The following IFT57 variants were observed in gnomAD, a reference collection of about 807,000 sequenced individuals.
IFT57 encodes intraflagellar transport protein 57 homolog.
Under a neutral mutation model 56.8 loss-of-function variants are expected in IFT57, and 59 were observed. The ratio of observed to expected loss-of-function variants is 1.04; its 90% confidence interval spans 0.84 to 1.29. The LOEUF (loss-of-function observed/expected upper bound fraction) is 1.29. Among genes scored for constraint, IFT57 ranks in the 50% most tolerant of loss-of-function variants. The pLI is 0.00. For missense variants in IFT57, 470 were observed against 522.1 expected (o/e 0.90, Z 0.97); for synonymous variants, 209 against 186.1 (o/e 1.12, Z -1.00).
intron 8 of IFT57, among the ~76,000 whole-genome samples, chr3:108,166,290 T>TG (rs1001097301): frequency 6.6e-6 from 1 of 152,084 alleles, no homozygotes; most frequent in African/African-American, 2.4e-5. Context: ...AGATCCCTAC[T>TG]GCTGGGACAA....
chr3:108,215,492 G>C (rs1179938916), intron 3 of IFT57, among the ~76,000 whole-genome samples: 1 of 152,114 alleles, frequency 6.6e-6, no homozygotes, highest in Non-Finnish European at 1.5e-5. Context: ...GAGCCCGGCA[G>C]GCAGAGGTTC....
intron 1 of IFT57, 192 bp downstream of exon 1, chr3:108,221,919 A>G (rs1250408167): frequency 7.7e-6 from 9 of 1,166,442 alleles, no homozygotes; most frequent in Non-Finnish European, 1.1e-5. Context: ...TCTCTACAAA[A>G]ATACCAAGTC....
chr3:108,179,584 C>T (rs141432645), intron 6 of IFT57, among the ~76,000 whole-genome samples: 2 of 151,926 alleles, frequency 1.3e-5, no homozygotes, highest in African/African-American at 2.4e-5. Flanking sequence ...TTTTCTCATT[C>T]GCAGAGTTTC....
chr3:108,219,491 C>G lies in IFT57; in HGVS notation c.294G>C (p.Ala98=). ...CTLAAWLINK[A]GRPFEQPQEY... Reference sequence around the variant, plus strand: ...CTTGAGGCTGCTCAAAGGGACGTCCCGCTTTATTAATCAACCAAGCAGCAA... The same window carrying G: ...CTTGAGGCTGCTCAAAGGGACGTCCGGCTTTATTAATCAACCAAGCAGCAA... Residue 98 remains alanine (A), a synonymous_variant, in exon 2 of 11, where the codon GCG becomes GCC. Transcript: ENST00000264538. 1.2e-6 allele frequency: 2 copies of G among 1,613,512 alleles called. No homozygotes were observed. Among genetic ancestry groups the G allele is most frequent in the Non-Finnish European group, 1.7e-6 (2 of 1,179,550 alleles).
intron 6 of IFT57, among the ~76,000 whole-genome samples, chr3:108,168,274 A>C (rs1384516118): frequency 1.3e-5 from 2 of 151,952 alleles, no homozygotes; most frequent in African/African-American, 4.8e-5. Context: ...TTGGAAATGA[A>C]AATGGGGCCC....
At chr3:108,189,061 A>T (rs1252355033) in intron 6 of IFT57, among the ~76,000 whole-genome samples, 2 of 152,204 alleles carry the variant, frequency 1.3e-5, no homozygotes, top group Non-Finnish European at 2.9e-5. Context: ...TATGAAAAGA[A>T]TTTGTTCTGA....
chr3:108,174,585 T>C (rs928111561), intron 6 of IFT57, among the ~76,000 whole-genome samples: 3 of 151,742 alleles, frequency 2.0e-5, no homozygotes, highest in African/African-American at 7.3e-5. Flanking sequence ...AAGAGGTTTA[T>C]GAGATTTGCT....
intron 8 of IFT57, among the ~76,000 whole-genome samples, chr3:108,165,891 A>G (rs1397059551): frequency 6.6e-6 from 1 of 152,082 alleles, no homozygotes; most frequent in Admixed American, 6.6e-5. Context: ...TCAATGATGA[A>G]TAAGGATTAA....
intron 6 of IFT57, among the ~76,000 whole-genome samples, chr3:108,190,632 C>T (rs1458212630): frequency 6.6e-6 from 1 of 152,154 alleles, no homozygotes; most frequent in Non-Finnish European, 1.5e-5. Context: ...TAAAAATTAC[C>T]CAGTCTTGGG....
At chr3:108,210,364 C>T (rs181385647) in intron 4 of IFT57, among the ~76,000 whole-genome samples, 186 of 131,864 alleles carry the variant, frequency 1.4e-3, no homozygotes, top group Non-Finnish European at 2.4e-3. Flanking sequence ...GACAGAGTCT[C>T]ACTCTGTTGC....
rs746675079 is a variant in IFT57, at chr3:108,166,939, T to C, written c.896A>G (p.Lys299Arg). The change falls in exon 8 of 11, where the codon AAG becomes AGG. Residue 299 changes from lysine (K) to arginine (R), a missense_variant. Physicochemically the swap from Lys to Arg is conservative, Grantham distance 26. Coordinates refer to ENST00000264538, the MANE Select transcript of IFT57 (RefSeq NM_018010.4). ...GATGTACTTTTCTCGGCTGCTGATCTTTTCCAAAGTCCTAGTAATTTCATT... is the reference window on the plus strand; with the variant it reads ...GATGTACTTTTCTCGGCTGCTGATCCTTTCCAAAGTCCTAGTAATTTCATT... Reference protein sequence around the residue: ...LHNEITRTLEKISSREKYINN... With the variant: ...LHNEITRTLERISSREKYINN... The C allele has an allele frequency of 1.2e-6, 2 of 1,611,364 alleles. No individual in the cohort carries two copies. Among genetic ancestry groups the C allele is most frequent in the Non-Finnish European group, 1.7e-6 (2 of 1,178,404 alleles).
chr3:108,188,227 G>A (rs1305423584), intron 6 of IFT57, among the ~76,000 whole-genome samples: 1 of 152,126 alleles, frequency 6.6e-6, no homozygotes, highest in Non-Finnish European at 1.5e-5. Flanking sequence ...GGAGGAGAAT[G>A]AGTCTGTGAG....
At chr3:108,168,760 C>A (rs2080076030) in intron 6 of IFT57, among the ~76,000 whole-genome samples, 1 of 151,918 alleles carries the variant, frequency 6.6e-6, no homozygotes, top group African/African-American at 2.4e-5. Flanking sequence ...TTTTCTGTTC[C>A]TGTGTTAGTC....
intron 6 of IFT57, among the ~76,000 whole-genome samples, chr3:108,170,745 C>A (rs1435146833): frequency 6.7e-6 from 1 of 150,000 alleles, no homozygotes; most frequent in Non-Finnish European, 1.5e-5. Context: ...TACTTGACTT[C>A]AAACTATGCT....
intron 5 of IFT57, among the ~76,000 whole-genome samples, chr3:108,202,164 C>T (rs1412098361): frequency 6.6e-6 from 1 of 152,160 alleles, no homozygotes; most frequent in African/African-American, 2.4e-5. Flanking sequence ...TGCACAGCTC[C>T]CTCTCCTCTT....
At chr3:108,164,438 T>C (rs2080050074) in intron 9 of IFT57, among the ~76,000 whole-genome samples, 1 of 152,184 alleles carries the variant, frequency 6.6e-6, no homozygotes. Context: ...GCTATAATTA[T>C]TGTGACTTAG....
intron 2 of IFT57, among the ~76,000 whole-genome samples, 193 bp from the exon 3 acceptor site, chr3:108,218,846 T>A (rs946683591): frequency 6.6e-6 from 1 of 152,172 alleles, no homozygotes; most frequent in African/African-American, 2.4e-5. Context: ...ACTCAAAGAC[T>A]TTTATTGTTA....
At chr3:108,200,454 G>T (rs1419914794) in intron 5 of IFT57, among the ~76,000 whole-genome samples, 4 of 151,996 alleles carry the variant, frequency 2.6e-5, no homozygotes, top group Non-Finnish European at 5.9e-5. Flanking sequence ...GGTGGTAAGT[G>T]GTGATGAGGG....
chr3:108,200,664 G>T (rs1284666374), intron 5 of IFT57, among the ~76,000 whole-genome samples: 1 of 152,086 alleles, frequency 6.6e-6, no homozygotes, highest in South Asian at 2.1e-4. Flanking sequence ...CTTTTCATCA[G>T]ATCTCCTTGA....
Sources: allele counts gnomAD v4.1 joint callset (sites outside exome capture counted in the v4.1 genomes callset), GRCh38; gene constraint gnomAD v4.1.1; transcripts MANE v1.5; gene names NCBI Gene and HGNC (gene_info 2026-07-23, HGNC 2026-07-21).